The following TOX3 variants were observed in gnomAD, a reference collection of about 807,000 sequenced individuals.
The protein encoded by TOX3 is TOX high mobility group box family member 3, also known as CAG trinucleotide repeat-containing gene F9 protein.
TOX3 carries 22 observed loss-of-function variants against 64.3 expected under a neutral mutation model. That is an observed-to-expected ratio of 0.34 (90% confidence interval 0.24 to 0.49). The LOEUF is 0.49. Ranked by LOEUF, TOX3 falls within the 20% of genes least tolerant of loss-of-function variation. The pLI is 0.99. For synonymous variants in TOX3, 291 were observed against 273.6 expected, an observed-to-expected ratio of 1.06 and a Z score of -0.63; for missense variants, 661 against 714.4, an observed-to-expected ratio of 0.93 and a Z score of 0.85.
chr16:52,529,714 G>A (rs1420533), intron 1 of TOX3, among the ~76,000 whole-genome samples: 86,901 of 152,062 alleles, frequency 0.57, 26,075 homozygotes, highest in East Asian at 0.78. Flanking sequence ...TTAATGCCCA[G>A]TAAGATACAG....
chr16:52,455,822 G>A (rs552149837), intron 3 of TOX3, among the ~76,000 whole-genome samples: 28 of 152,132 alleles, frequency 1.8e-4, no homozygotes, highest in Non-Finnish European at 2.8e-4. Flanking sequence ...AGGAAAGCTG[G>A]GTGCAGGGTA....
chr16:52,538,038 CTTTT>C (rs1221579279), intron 1 of TOX3, among the ~76,000 whole-genome samples: 1 of 152,268 alleles, frequency 6.6e-6, no homozygotes, highest in South Asian at 2.1e-4. Flanking sequence ...TGACTGAAGT[CTTTT>C]TCTCACTTGC....
rs769408166 is a variant in TOX3 at position 52,439,844 on chromosome 16, G to A, written c.1112C>T (p.Ser371Leu). Residue 371 changes from serine to leucine, a missense_variant, in exon 7 of 7, where the codon TCA (serine) becomes TTA (leucine). By Grantham distance (145) the Ser-to-Leu change is moderately radical. Transcript: ENST00000219746. ...GAGGGATTGCTGGAGAGTCTGAGGT[G>A]ATGCTGACACTGTTCCATGTTGAGA... is the stretch of plus-strand genomic sequence containing the variant. The part of the protein sequence containing the change: ...PLSQHGTVSA[S>L]PQTLQQSLPR... 6.2e-7 allele frequency: 1 copy of A among 1,613,896 alleles called. No homozygotes were observed. Among genetic ancestry groups the A allele is most frequent in the Admixed American group, 1.7e-5 (1 of 60,014 alleles).
At chr16:52,478,122 G>C (rs967067503) in intron 1 of TOX3, among the ~76,000 whole-genome samples, 1 of 152,180 alleles carries the variant, frequency 6.6e-6, no homozygotes, top group Non-Finnish European at 1.5e-5. Flanking sequence ...GACAGTGCAA[G>C]AGAATTTTAC....
Position 52,439,567 on chromosome 16 carries a change from T to C in TOX3, c.1389A>G (p.Gln463=), listed in dbSNP as rs1567306723. ...QQQMQQMQQQ[Q]LQQHQMHQQI... is the part of the protein sequence containing the mutation. Reference sequence around the variant, plus strand: ...GCTGATGCATTTGGTGCTGCTGGAGTTGCTGCTGCTGCATCTGTTGCATCT... The same window carrying C: ...GCTGATGCATTTGGTGCTGCTGGAGCTGCTGCTGCTGCATCTGTTGCATCT... Residue 463 remains glutamine, a synonymous_variant, in exon 7 of 7, where the codon CAA becomes CAG. Transcript: ENST00000219746. 1 of 1,545,140 alleles carries C rather than the reference T, an allele frequency of 6.5e-7. No homozygotes were observed. The highest frequency in any genetic ancestry group is 8.8e-7 in the Non-Finnish European group (1 of 1,132,498).
intron 2 of TOX3, among the ~76,000 whole-genome samples, chr16:52,466,196 G>A (rs1960859536): frequency 6.6e-6 from 1 of 152,114 alleles, no homozygotes; most frequent in Non-Finnish European, 1.5e-5. Flanking sequence ...GTGGCATTTG[G>A]CTGTTTTCAT....
chr16:52,546,039 G>A (rs1456272184), intron 1 of TOX3, among the ~76,000 whole-genome samples: 1 of 152,178 alleles, frequency 6.6e-6, no homozygotes, highest in Non-Finnish European at 1.5e-5. Flanking sequence ...GCGGGGAGGG[G>A]CGGGCACCCC....
intron 1 of TOX3, among the ~76,000 whole-genome samples, chr16:52,515,011 CAAAAAAAAAA>C (rs56746564): frequency 1.3e-4 from 2 of 15,842 alleles, no homozygotes; most frequent in East Asian, 2.0e-3. Context: ...GACTCCATCT[CAAAAAAAAAA>C]AAAAAAAAAA....
Position 52,546,810 on chromosome 16 carries a change from G to C in TOX3, c.-87C>G, listed in dbSNP as rs892119791. 18 of 1,320,340 alleles carry C rather than the reference G, an allele frequency of 1.4e-5. No individual in the cohort carries two copies. Among genetic ancestry groups the C allele is most frequent in the African/African-American group, 1.2e-4 (8 of 65,108 alleles). The allele number at this position is 1,320,340 out of a possible 1,614,324, so 81.8% of individuals were successfully genotyped here. On this transcript the variant is annotated 5_prime_UTR_variant, in exon 1 of 7. Coordinates refer to ENST00000219746, the MANE Select transcript of TOX3 (RefSeq NM_001080430.4). Reference sequence around the variant, plus strand: ...CCTCGCCGCCGCTAGATCCACCGTCGAGGGCGCCCGGGGGTGGCGCGTGGG... The same window carrying C: ...CCTCGCCGCCGCTAGATCCACCGTCCAGGGCGCCCGGGGGTGGCGCGTGGG...
intron 1 of TOX3, among the ~76,000 whole-genome samples, chr16:52,514,382 A>G (rs1486535265): frequency 6.6e-6 from 1 of 152,236 alleles, no homozygotes; most frequent in African/African-American, 2.4e-5. Flanking sequence ...ATGAATCATA[A>G]GCCAATGCTT....
intron 1 of TOX3, among the ~76,000 whole-genome samples, chr16:52,500,129 A>G (rs1961962169): frequency 6.6e-6 from 1 of 152,246 alleles, no homozygotes; most frequent in African/African-American, 2.4e-5. Context: ...AGATTCTGCT[A>G]TATTTAAGAG....
At chr16:52,491,035 G>C (rs1961669318) in intron 1 of TOX3, among the ~76,000 whole-genome samples, 1 of 152,102 alleles carries the variant, frequency 6.6e-6, no homozygotes, top group Non-Finnish European at 1.5e-5. Flanking sequence ...GATCATACAT[G>C]TCACTGTCAG....
Position 52,546,666 on chromosome 16 carries a change from G to T in TOX3, c.58C>A (p.Gln20Lys). The T allele has an allele frequency of 6.5e-7, 1 of 1,544,088 alleles. No individual in the cohort carries two copies. The part of the protein sequence containing the change: ...AGDPASLDFA[Q>K]CLGYYGYSKF... ...CTGTAGCCGTAGTACCCCAGGCACT[G>T]CGCGAAGTCCAGGCTGGCAGGGTCC... The change falls in exon 1 of 7, where the codon CAG becomes AAG. Residue 20 changes from glutamine (Q) to lysine (K), a missense_variant. This residue lies in a region of TOX3 where 259 missense variants were observed against 261.2 expected (regional missense o/e 0.99). Coordinates refer to ENST00000219746, the MANE Select transcript of TOX3 (RefSeq NM_001080430.4).
rs774065453 is a variant in TOX3 at position 52,464,141 on chromosome 16, T to C, written c.201A>G (p.Pro67=). 5.6e-5 allele frequency: 89 copies of C among 1,579,912 alleles called. No individual in the cohort carries two copies. The South Asian group carries it at 7.4e-4, about 13-fold the overall frequency. The change falls in exon 3 of 7, where the codon CCA becomes CCG. Residue 67 remains proline (P), a synonymous_variant. Coordinates refer to ENST00000219746, the MANE Select transcript of TOX3 (RefSeq NM_001080430.4). ...CTGACTCTGGAGGAGGCGTGATTGG[T>C]GGAATTTCGAATTCCTCGTCCCCAA... is the stretch of plus-strand genomic sequence containing the variant. ...PSLGDEEFEI[P]PITPPPESDP...
intron 3 of TOX3, among the ~76,000 whole-genome samples, chr16:52,458,155 T>C (rs1262995718): frequency 2.0e-5 from 3 of 152,212 alleles, no homozygotes; most frequent in African/African-American, 4.8e-5. Flanking sequence ...CTAAGTATGC[T>C]CTTAATAACA....
intron 3 of TOX3, among the ~76,000 whole-genome samples, chr16:52,456,692 A>G (rs1315099337): frequency 1.3e-5 from 2 of 152,244 alleles, no homozygotes; most frequent in African/African-American, 2.4e-5. Flanking sequence ...AACGGTTAAA[A>G]TCTGAATAAT....
intron 1 of TOX3, among the ~76,000 whole-genome samples, chr16:52,477,373 G>C (rs937098671): frequency 6.6e-6 from 1 of 152,140 alleles, no homozygotes; most frequent in Admixed American, 6.5e-5. Flanking sequence ...GAGGCAGAGA[G>C]AGAGAGATGT....
At chr16:52,499,937 C>T (rs1961957476) in intron 1 of TOX3, among the ~76,000 whole-genome samples, 1 of 152,194 alleles carries the variant, frequency 6.6e-6, no homozygotes, top group South Asian at 2.1e-4. Context: ...TGACAAGCAC[C>T]AATCTTTGGC....
At chr16:52,489,305 C>T (rs45607742) in intron 1 of TOX3, among the ~76,000 whole-genome samples, 1 of 152,122 alleles carries the variant, frequency 6.6e-6, no homozygotes, top group East Asian at 1.9e-4. Flanking sequence ...TCCCCTAAAC[C>T]CACTAACTAT....
Sources: allele counts gnomAD v4.1 joint callset (sites outside exome capture counted in the v4.1 genomes callset), GRCh38; gene constraint gnomAD v4.1.1; regional missense constraint gnomAD v4.1.1; transcripts MANE v1.5; gene names NCBI Gene and HGNC (gene_info 2026-07-23, HGNC 2026-07-21).